ANAPC16: variants seen among roughly 807,000 people sequenced by gnomAD.
ANAPC16 encodes anaphase promoting complex subunit 16.
A neutral mutation model predicts 13.1 loss-of-function variants in ANAPC16; 6 were observed. The ratio of observed to expected loss-of-function variants is 0.46; its 90% CI spans 0.25 to 0.90. The LOEUF (loss-of-function observed/expected upper bound fraction) is 0.90, where lower values mean the gene tolerates loss of function less well. ANAPC16 is among the 40% of genes least tolerant of loss of function. The probability of loss-of-function intolerance (pLI) is 0.18; values close to 1 mark genes in which losing one functional copy is unlikely to be tolerated. For synonymous variants in ANAPC16, 55 were observed against 51.3 expected, an observed-to-expected ratio of 1.07 and a Z score of -0.31; for missense variants, 113 against 131.1, an observed-to-expected ratio of 0.86 and a Z score of 0.67.
At chr10:72,218,168 ATATATATATAT>A (rs1859720601) in intron 1 of ANAPC16, among the ~76,000 whole-genome samples, 59 of 19,736 alleles carry the variant, frequency 3.0e-3, no homozygotes, top group African/African-American at 9.6e-3. Context: ...AAAAAAAAAT[ATATATATATAT>A]ATATATATAT....
chr10:72,225,082 G>A (rs1176201824), intron 2 of ANAPC16, among the ~76,000 whole-genome samples: 3 of 151,974 alleles, frequency 2.0e-5, no homozygotes, highest in African/African-American at 4.8e-5. Context: ...TCAGGAGTTC[G>A]AGACCAGCCT....
intron 3 of ANAPC16, 50 bp from the exon 4 acceptor site, chr10:72,232,951 C>A: frequency 6.8e-7 from 1 of 1,469,188 alleles, no homozygotes; most frequent in Non-Finnish European, 9.5e-7. Flanking sequence ...TGGTGGCAGT[C>A]TCTTGGGTAA....
chr10:72,216,359 AG>A (rs1859321954), intron 1 of ANAPC16: 1 of 169,186 alleles, frequency 5.9e-6, no homozygotes, highest in East Asian at 1.7e-4. Context: ...CCGATGGCGT[AG>A]TTTCCTGGGG....
rs1860383278 is a variant in ANAPC16 at position 72,233,270 on chromosome 10, C to T, written c.*154C>T. 3.4e-6 allele frequency: 2 copies of T among 582,718 alleles called. No homozygotes were observed. Among genetic ancestry groups the T allele is most frequent in the Admixed American group, 3.0e-5 (1 of 33,824 alleles). The allele number at this position is 582,718 out of a possible 1,614,324, so 36.1% of individuals were successfully genotyped here. A position where few individuals can be genotyped will look rare whatever the true frequency, so the allele number is the denominator to read the frequency against. ...TTTCTCTGTATCTATTCACAGGCAA[C>T]AAATACTTATATGTGTGATCTTTCA... On this transcript the variant is annotated 3_prime_UTR_variant, in exon 4 of 4. Coordinates refer to ENST00000299381, the MANE Select transcript of ANAPC16 (RefSeq NM_173473.4).
intron 2 of ANAPC16, among the ~76,000 whole-genome samples, chr10:72,225,691 G>C (rs1400669904): frequency 6.6e-6 from 1 of 152,138 alleles, no homozygotes; most frequent in East Asian, 1.9e-4. Context: ...CACAAGGTCA[G>C]GAGATTGAGA....
At chr10:72,224,571 C>A (rs1860057884) in intron 2 of ANAPC16, among the ~76,000 whole-genome samples, 1 of 151,268 alleles carries the variant, frequency 6.6e-6, no homozygotes, top group African/African-American at 2.4e-5. Context: ...CGAGATCTCG[C>A]CACTGCACTC....
At chr10:72,220,261 A>G (rs1405210641) in intron 1 of ANAPC16, 3 of 149,180 alleles carry the variant, frequency 2.0e-5, no homozygotes, top group South Asian at 2.1e-4. Flanking sequence ...TCCGGGAGGC[A>G]GAGGTTGCTG....
Position 72,234,958 on chromosome 10 carries a change from C to G in ANAPC16, c.*1842C>G, listed in dbSNP as rs1860428099. 6.6e-6 allele frequency: 1 copy of G among 152,252 alleles called. No homozygotes were observed. The highest frequency in any genetic ancestry group is 2.4e-5 in the African/African-American group (1 of 41,438). The allele number at this position is 152,252 out of a possible 1,614,324, so 9.4% of individuals were successfully genotyped here. ...TAGAGGTCAGGAGTTCAAGACCAGT[C>G]TGGCCGACATGGTGAAACTCAGTCT... is the stretch of plus-strand genomic sequence containing the variant. On this transcript the variant is annotated 3_prime_UTR_variant, in exon 4 of 4. Transcript: ENST00000299381.
chr10:72,216,988 G>A (rs1433949511), intron 1 of ANAPC16: 1 of 455,290 alleles, frequency 2.2e-6, no homozygotes, highest in Non-Finnish European at 4.4e-6. Context: ...ATGACACAGC[G>A]CTTCTCTATC....
chr10:72,219,489 A>G (rs966026794), intron 1 of ANAPC16, among the ~76,000 whole-genome samples: 8 of 152,134 alleles, frequency 5.3e-5, no homozygotes, highest in African/African-American at 1.9e-4. Context: ...TAATCCCAGC[A>G]TTTTGGGAGG....
intron 3 of ANAPC16, 66 bp from the exon 4 acceptor site, chr10:72,232,935 G>A (rs529343063): frequency 1.6e-6 from 2 of 1,264,658 alleles, no homozygotes; most frequent in African/African-American, 1.5e-5. Context: ...TCATCATCTT[G>A]GTGGCTGGTG....
chr10:72,217,598 A>G (rs1361219356), intron 1 of ANAPC16, among the ~76,000 whole-genome samples: 5 of 152,154 alleles, frequency 3.3e-5, no homozygotes, highest in Admixed American at 2.6e-4. Context: ...TACTTTTCCC[A>G]TGAGGTTTTT....
intron 1 of ANAPC16, among the ~76,000 whole-genome samples, chr10:72,219,481 A>G (rs1859815624): frequency 6.6e-6 from 1 of 152,186 alleles, no homozygotes; most frequent in African/African-American, 2.4e-5. Context: ...CAGGCCTGTA[A>G]TCCCAGCATT....
chr10:72,230,449 A>G lies in ANAPC16; in HGVS notation c.217+9A>G, dbSNP rs200706094. The stretch of plus-strand genomic sequence containing the variant: ...TAAACAGGTGAAACATGGTAAGCAC[A>G]TGAGTGTTGCGTACTTGACTGTGAG... On this transcript the variant is annotated intron_variant, in intron 3 of 3. Coordinates refer to ENST00000299381, the MANE Select transcript of ANAPC16 (RefSeq NM_173473.4). The G allele has an allele frequency of 5.6e-6, 9 of 1,612,772 alleles. No homozygotes were observed. The highest frequency in any genetic ancestry group is 2.7e-5 in the African/African-American group (2 of 75,034).
intron 2 of ANAPC16, among the ~76,000 whole-genome samples, chr10:72,227,876 CAAAA>C (rs57330798): frequency 1.3e-5 from 1 of 76,624 alleles, no homozygotes; most frequent in African/African-American, 3.5e-5. Context: ...ACTAAAAATA[CAAAA>C]AAAAAAAAAA....
intron 2 of ANAPC16, among the ~76,000 whole-genome samples, chr10:72,227,484 TA>T (rs1860158135): frequency 6.6e-6 from 1 of 152,156 alleles, no homozygotes; most frequent in African/African-American, 2.4e-5. Flanking sequence ...AAGATTAAGA[TA>T]ATCTTTAAAA....
intron 1 of ANAPC16, chr10:72,216,823 G>T: frequency 2.2e-6 from 1 of 456,074 alleles, no homozygotes; most frequent in South Asian, 1.5e-5. Flanking sequence ...CAACTTACCT[G>T]ACAGGGCCAA....
At chr10:72,230,816 G>C (rs147169298) in intron 3 of ANAPC16, among the ~76,000 whole-genome samples, 1 of 151,928 alleles carries the variant, frequency 6.6e-6, no homozygotes, top group Non-Finnish European at 1.5e-5. Context: ...ACTTGAGCCC[G>C]GGAGGTTGAG....
chr10:72,225,642 C>T (rs1354909794), intron 2 of ANAPC16, among the ~76,000 whole-genome samples: 2 of 152,104 alleles, frequency 1.3e-5, no homozygotes, highest in Non-Finnish European at 2.9e-5. Context: ...TAACTCACGC[C>T]TGTAATCCCA....
Sources: allele counts gnomAD v4.1 joint callset (sites outside exome capture counted in the v4.1 genomes callset), GRCh38; gene constraint gnomAD v4.1.1; transcripts MANE v1.5; gene names NCBI Gene and HGNC (gene_info 2026-07-23, HGNC 2026-07-21).